The following S100Z variants were observed in gnomAD, a reference collection of about 807,000 sequenced individuals.
S100Z encodes protein S100-Z.
A neutral mutation model predicts 8.5 loss-of-function variants in S100Z; 11 were observed. That is an observed-to-expected ratio of 1.30 (90% CI 0.82 to 2.15). The LOEUF (loss-of-function observed/expected upper bound fraction) is 2.15. Among genes scored for constraint, S100Z ranks in the 30% most tolerant of loss-of-function variants. The pLI is 0.00. For missense variants in S100Z, 126 were observed against 117.9 expected, an observed-to-expected ratio of 1.07 and a Z score of -0.32; for synonymous variants, 34 against 43.8, an observed-to-expected ratio of 0.78 and a Z score of 0.89.
intron 1 of S100Z, among the ~76,000 whole-genome samples, chr5:76,862,992 A>G (rs57680676): frequency 0.091 from 13,898 of 151,896 alleles, 952 homozygotes; most frequent in African/African-American, 0.2. Flanking sequence ...TGTTTTGTTC[A>G]ATTCTTTGTT....
rs371489564 is a variant in S100Z at position 76,875,438 on chromosome 5, T to C, written c.79T>C (p.Phe27Leu). 5.6e-6 allele frequency: 9 copies of C among 1,612,860 alleles called. No homozygotes were observed. The African/African-American group carries it at 1.1e-4, about 19-fold the overall frequency. Residue 27 changes from phenylalanine (F) to leucine (L), a missense_variant, in exon 3 of 5, where the codon TTC becomes CTC. Coordinates refer to ENST00000317593, the MANE Select transcript of S100Z (RefSeq NM_130772.4). ...HRYSGKERKRFKLSKGELKLL... is the reference protein window; with the variant it reads ...HRYSGKERKRLKLSKGELKLL... ...CTATTCTGGCAAGGAAAGGAAGAGA[T>C]TCAAGCTCAGCAAGGGGGAACTGAA...
intron 4 of S100Z, among the ~76,000 whole-genome samples, chr5:76,911,050 T>C (rs1744638507): frequency 6.6e-6 from 1 of 152,182 alleles, no homozygotes; most frequent in South Asian, 2.1e-4. Flanking sequence ...GTCCTCTACT[T>C]GAGGAGGGAA....
At chr5:76,900,954 C>T (rs1312881866) in intron 4 of S100Z, among the ~76,000 whole-genome samples, 1 of 150,726 alleles carries the variant, frequency 6.6e-6, no homozygotes, top group Non-Finnish European at 1.5e-5. Flanking sequence ...ATCCCAGTGA[C>T]ACTGTGGTTC....
At chr5:76,943,598 C>T in the S100Z span, among the ~76,000 whole-genome samples, 2 of 152,174 alleles carry the variant, frequency 1.3e-5, no homozygotes, top group Non-Finnish European at 2.9e-5. Context: ...GTGACAGCTC[C>T]TCTCTGCTCT....
chr5:76,902,639 T>C (rs933910858), intron 4 of S100Z, among the ~76,000 whole-genome samples: 14 of 150,440 alleles, frequency 9.3e-5, no homozygotes, highest in Non-Finnish European at 2.1e-4. Flanking sequence ...TTTTTTTTGT[T>C]TTTTTTTTGT....
At chr5:76,880,133 G>A (rs1283048569) in intron 4 of S100Z, among the ~76,000 whole-genome samples, 5 of 152,190 alleles carry the variant, frequency 3.3e-5, no homozygotes, top group African/African-American at 1.2e-4. Flanking sequence ...GAATTGCAAA[G>A]AACTTTCTTA....
intron 4 of S100Z, among the ~76,000 whole-genome samples, chr5:76,897,283 A>G (rs900194912): frequency 3.0e-4 from 45 of 152,056 alleles, no homozygotes; most frequent in African/African-American, 9.9e-4. Context: ...TACTAAAAAA[A>G]TACAAAAAAT....
At chr5:76,858,860 C>A (rs1272240366) in intron 1 of S100Z, among the ~76,000 whole-genome samples, 3 of 152,232 alleles carry the variant, frequency 2.0e-5, no homozygotes, top group Non-Finnish European at 4.4e-5. Flanking sequence ...CCTGTAATCC[C>A]AGCACTTTGG....
intron 4 of S100Z, among the ~76,000 whole-genome samples, chr5:76,915,334 T>A (rs1187814340): frequency 1.4e-5 from 2 of 141,106 alleles, no homozygotes; most frequent in East Asian, 2.1e-4. Flanking sequence ...CTGGGCGTGA[T>A]GGCTCACACC....
At chr5:76,906,911 G>A (rs1466677785) in intron 4 of S100Z, among the ~76,000 whole-genome samples, 7 of 149,688 alleles carry the variant, frequency 4.7e-5, no homozygotes, top group South Asian at 2.1e-4. Context: ...GATTACAAGC[G>A]AAAGCCATTG....
chr5:76,853,286 C>T (rs950029651), intron 1 of S100Z, among the ~76,000 whole-genome samples: 7 of 152,014 alleles, frequency 4.6e-5, no homozygotes, highest in South Asian at 4.1e-4. Flanking sequence ...TGTGACTGTG[C>T]GGGGACAAGT....
intron 1 of S100Z, among the ~76,000 whole-genome samples, chr5:76,867,595 T>C (rs373763419): frequency 4.1e-4 from 60 of 147,882 alleles, no homozygotes; most frequent in South Asian, 4.2e-4. Context: ...TTTTTTTTTT[T>C]CTTTTTTTTT....
chr5:76,865,330 C>T (rs974057422), intron 1 of S100Z, among the ~76,000 whole-genome samples: 29 of 150,360 alleles, frequency 1.9e-4, no homozygotes, highest in Non-Finnish European at 1.5e-4. Flanking sequence ...CTGCAACCTC[C>T]GCCTCCCGGC....
At chr5:76,906,438 C>G (rs1024714989) in intron 4 of S100Z, among the ~76,000 whole-genome samples, 1 of 152,240 alleles carries the variant, frequency 6.6e-6, no homozygotes, top group South Asian at 2.1e-4. Flanking sequence ...TTTCTCTGGC[C>G]TCCTCACCTG....
intron 4 of S100Z, among the ~76,000 whole-genome samples, chr5:76,887,120 CAG>C (rs1051495906): frequency 6.1e-5 from 9 of 148,144 alleles, no homozygotes; most frequent in Admixed American, 3.4e-4. Context: ...TTTTTCGAGA[CAG>C]AGTCTTGCTC....
chr5:76,945,905 C>T, the S100Z span, among the ~76,000 whole-genome samples: 1 of 152,170 alleles, frequency 6.6e-6, no homozygotes, highest in Admixed American at 6.5e-5. Context: ...CTCATCCCAC[C>T]CGACGAGAAA....
At chr5:76,871,970 C>T (rs1206603037) in intron 2 of S100Z, among the ~76,000 whole-genome samples, 1 of 152,218 alleles carries the variant, frequency 6.6e-6, no homozygotes, top group Non-Finnish European at 1.5e-5. Context: ...GGTACAGTGG[C>T]TCATGCCCAT....
intron 4 of S100Z, among the ~76,000 whole-genome samples, chr5:76,904,883 T>C (rs555885877): frequency 6.6e-6 from 1 of 151,366 alleles, no homozygotes; most frequent in Non-Finnish European, 1.5e-5. Context: ...TTGTAGAACA[T>C]AAATTTTTAA....
At chr5:76,936,642 C>CACACAG in the S100Z span, among the ~76,000 whole-genome samples, 1 of 143,500 alleles carries the variant, frequency 7.0e-6, no homozygotes, top group African/African-American at 2.5e-5. Context: ...CACACACACA[C>CACACAG]ACACACACAC....
Sources: allele counts gnomAD v4.1 joint callset (sites outside exome capture counted in the v4.1 genomes callset), GRCh38; gene constraint gnomAD v4.1.1; transcripts MANE v1.5; gene names NCBI Gene and HGNC (gene_info 2026-07-23, HGNC 2026-07-21).